PACS2: variants seen among roughly 807,000 people sequenced by gnomAD.
The protein encoded by PACS2 is PACS1-like protein.
Under a neutral mutation model 113.0 loss-of-function variants are expected in PACS2, and 36 were observed. That is an observed-to-expected ratio of 0.32 (90% CI 0.24 to 0.42). The LOEUF is 0.42. PACS2 is among the 10% of genes least tolerant of loss of function. The pLI is 1.00. For synonymous variants in PACS2, 589 were observed against 536.1 expected, an observed-to-expected ratio of 1.10 and a Z score of -1.36; for missense variants, 1,015 against 1,239.5, an observed-to-expected ratio of 0.82 and a Z score of 2.72.
chr14:105,317,445 G>T lies in PACS2; in HGVS notation c.119+2408G>T, dbSNP rs1216833263. 2.0e-5 allele frequency among the ~76,000 whole-genome samples: 3 copies of T among 152,302 alleles called. No individual in the cohort carries two copies. The East Asian group carries it at 5.8e-4, about 29-fold the overall frequency. On this transcript the variant is annotated intron_variant, in intron 1 of 24. Transcript: ENST00000447393. This position sits in a 1 kb window ranked among gnomAD's most constrained non-coding sequence, Gnocchi z 4.2. ...GGTTGTGCCTGCTCCGGCCCCCACT[G>T]ACAGGGACGAGAGTCCCCACTGCTC...
At position 105,323,361 on chromosome 14, in the gene PACS2, G is replaced by C. The variant is rs998092884; in HGVS notation, c.119+8324G>C. On this transcript the variant is annotated intron_variant, in intron 1 of 24. Transcript: ENST00000447393. This position sits in a 1 kb window ranked among gnomAD's most constrained non-coding sequence, Gnocchi z 4.1. ...CGGCGGCTGGCTGGGGCAGTAGCCT[G>C]TCTCCAGCCCTTCCCCCTGCCTCTG... 1.3e-5 allele frequency among the ~76,000 whole-genome samples: 2 copies of C among 152,236 alleles called. No homozygotes were observed. The highest frequency in any genetic ancestry group is 2.9e-5 in the Non-Finnish European group (2 of 68,046).
intron 4 of PACS2, among the ~76,000 whole-genome samples, chr14:105,360,313 G>T (rs1349686824): frequency 6.6e-6 from 1 of 152,128 alleles, no homozygotes; most frequent in Non-Finnish European, 1.5e-5. Flanking sequence ...GCCAAGGCGG[G>T]CGTATCACCT....
chr14:105,378,789 A>G (rs1259573678), intron 9 of PACS2, among the ~76,000 whole-genome samples: 3 of 152,214 alleles, frequency 2.0e-5, no homozygotes, highest in African/African-American at 4.8e-5. Context: ...CTTCGTACAT[A>G]TTATATCAAC....
chr14:105,392,943 C>A, intron 23 of PACS2, 98 bp downstream of exon 23: 1 of 960,438 alleles, frequency 1.0e-6, no homozygotes. Context: ...CCCGGGCTGG[C>A]CTCGGGCAGC....
At chr14:105,360,081 G>A (rs1425182145) in intron 4 of PACS2, among the ~76,000 whole-genome samples, 1 of 152,180 alleles carries the variant, frequency 6.6e-6, no homozygotes, top group African/African-American at 2.4e-5. Flanking sequence ...AAGATATTGT[G>A]TGTTCAGTTC....
At chr14:105,367,050 G>A (rs1400268392) in intron 4 of PACS2, among the ~76,000 whole-genome samples, 163 bp from the exon 5 acceptor site, 13 of 152,118 alleles carry the variant, frequency 8.5e-5, no homozygotes, top group Admixed American at 2.6e-4. Context: ...CAGTGGCCAC[G>A]TTTCCTGTCC....
At position 105,354,675 on chromosome 14, in the gene PACS2, T is replaced by G. The variant is rs2060362257; in HGVS notation, c.298-377T>G. Among the ~76,000 whole-genome samples, 2 of 152,340 alleles carry G rather than the reference T, an allele frequency of 1.3e-5. No homozygotes were observed. The highest frequency in any genetic ancestry group is 1.5e-5 in the Non-Finnish European group (1 of 68,014). ...GTGTGCCCCTCGCGGAAAAGCGTCC[T>G]GGGTCCCACCTTGCTGATTGCCTCA... On this transcript the variant is annotated intron_variant, in intron 3 of 24. Coordinates refer to ENST00000447393, the MANE Select transcript of PACS2 (RefSeq NM_001100913.3). This position sits in a 1 kb window ranked among gnomAD's most constrained non-coding sequence, Gnocchi z 4.2.
At chr14:105,353,405 GGC>G (rs2060310754) in intron 3 of PACS2, among the ~76,000 whole-genome samples, 1 of 128,538 alleles carries the variant, frequency 7.8e-6, no homozygotes, top group Admixed American at 7.6e-5. Context: ...CTGGGGTGAC[GGC>G]CCCCCCTCAT....
At chr14:105,383,690 T>A (rs587770344) in intron 16 of PACS2, 177 bp downstream of exon 16, 1 of 587,644 alleles carries the variant, frequency 1.7e-6, no homozygotes, top group South Asian at 2.2e-5. Flanking sequence ...TTGTTGTTTT[T>A]AAATGTTTGT....
intron 1 of PACS2, among the ~76,000 whole-genome samples, chr14:105,334,360 G>A (rs920971850): frequency 2.0e-5 from 3 of 152,250 alleles, no homozygotes; most frequent in Admixed American, 2.0e-4. Context: ...CCTTGAGGCT[G>A]ACGCAGACCA....
intron 13 of PACS2, 118 bp from the exon 14 acceptor site, chr14:105,382,359 T>A: frequency 1.4e-6 from 1 of 740,408 alleles, no homozygotes; most frequent in Non-Finnish European, 2.4e-6. Context: ...GCTCTCTTCC[T>A]GCCACCGAGC....
At chr14:105,344,271 G>GT (rs200266144) in intron 1 of PACS2, among the ~76,000 whole-genome samples, 2,278 of 150,288 alleles carry the variant, frequency 0.015, 58 homozygotes, top group African/African-American at 0.051. Context: ...GTTTTGTTTT[G>GT]TTTTTGGAAG....
chr14:105,350,021 G>A (rs111831235), intron 2 of PACS2, among the ~76,000 whole-genome samples: 217 of 121,464 alleles, frequency 1.8e-3, no homozygotes, highest in African/African-American at 6.3e-3. Flanking sequence ...GAGAACTTCC[G>A]GGAGCGCGTG....
chr14:105,310,683 G>C (rs986088715), upstream of PACS2, among the ~76,000 whole-genome samples: 1 of 152,062 alleles, frequency 6.6e-6, no homozygotes, highest in South Asian at 2.1e-4. Context: ...GCCAGATGGC[G>C]CCCGGCTCTC....
chr14:105,353,329 C>T (rs369721873), intron 3 of PACS2, among the ~76,000 whole-genome samples: 1 of 137,214 alleles, frequency 7.3e-6, no homozygotes, highest in Non-Finnish European at 1.6e-5. Context: ...TCGTCACTGT[C>T]CCCTGGGGAG....
In PACS2 at chr14:105,382,564, T is replaced by G; in HGVS notation, c.1501T>G (p.Ser501Ala). The change falls in exon 14 of 25, where the codon TCG (serine) becomes GCG (alanine). Residue 501 changes from serine (S) to alanine (A), a missense_variant. By Grantham distance (99) the Ser-to-Ala change is moderately conservative. Transcript: ENST00000447393. ...LPENIILVNT[S>A]DWQGQFLSDV... is the part of the protein sequence containing the mutation. ...CGAAAACATCATCCTTGTCAACACC[T>G]CGGACTGGCAGGGGCAGGTAGAGGG... 1.9e-6 allele frequency: 3 copies of G among 1,608,276 alleles called. No individual in the cohort carries two copies. The African/African-American group carries it at 4.0e-5, about 21-fold the overall frequency.
chr14:105,380,411 G>A (rs1368233070), intron 11 of PACS2, among the ~76,000 whole-genome samples: 13 of 90,798 alleles, frequency 1.4e-4, no homozygotes, highest in Admixed American at 2.1e-4. Flanking sequence ...CCCCCCACCC[G>A]CAGGGTCCGG....
rs2058721236 is a variant in PACS2, at chr14:105,317,450, G to A, written c.119+2413G>A. Among the ~76,000 whole-genome samples, 1 of 152,126 alleles carries A rather than the reference G, an allele frequency of 6.6e-6. No homozygotes were observed. Among genetic ancestry groups the A allele is most frequent in the African/African-American group, 2.4e-5 (1 of 41,404 alleles). ...TGCCTGCTCCGGCCCCCACTGACAG[G>A]GACGAGAGTCCCCACTGCTCCACAT... On this transcript the variant is annotated intron_variant, in intron 1 of 24. Transcript: ENST00000447393. This position sits in a 1 kb window ranked among gnomAD's most constrained non-coding sequence, Gnocchi z 4.2.
Position 105,368,442 on chromosome 14 carries a change from T to C in PACS2, c.661-17T>C. The C allele has an allele frequency of 6.3e-7, 1 of 1,599,518 alleles. No homozygotes were observed. Reference sequence around the variant, plus strand: ...TGCAGGCTGCCGTGGCCTCAGCCACTGCATATGTCTCTGCAGGACTTGGAC... The same window carrying C: ...TGCAGGCTGCCGTGGCCTCAGCCACCGCATATGTCTCTGCAGGACTTGGAC... On this transcript the variant is annotated splice_polypyrimidine_tract_variant and intron_variant, in intron 6 of 24. Transcript: ENST00000447393.
Sources: allele counts gnomAD v4.1 joint callset (sites outside exome capture counted in the v4.1 genomes callset), GRCh38; gene constraint gnomAD v4.1.1; non-coding constraint Gnocchi (gnomAD v3.1); transcripts MANE v1.5; gene names NCBI Gene and HGNC (gene_info 2026-07-23, HGNC 2026-07-21).